The following RYK variants were observed in gnomAD, a reference collection of about 807,000 sequenced individuals.
RYK encodes receptor like tyrosine kinase.
Under a neutral mutation model 70.2 loss-of-function variants are expected in RYK, and 21 were observed. The ratio of observed to expected loss-of-function variants is 0.30; its 90% confidence interval spans 0.21 to 0.43. The LOEUF (loss-of-function observed/expected upper bound fraction) is 0.43. Among genes scored for constraint, RYK ranks in the 20% least tolerant of loss-of-function variants. The probability of loss-of-function intolerance (pLI) is 1.00; values close to 1 mark genes in which losing one functional copy is unlikely to be tolerated. For synonymous variants in RYK, 267 were observed against 278.0 expected (o/e 0.96, Z 0.39); for missense variants, 604 against 753.3 (o/e 0.80, Z 2.32).
intron 1 of RYK, among the ~76,000 whole-genome samples, chr3:134,241,278 A>T (rs1002454394): frequency 3.3e-5 from 5 of 151,654 alleles, no homozygotes; most frequent in Admixed American, 1.3e-4. Context: ...TGAAGCTGGG[A>T]GACAGAGACT....
chr3:134,250,544 C>G lies in RYK; in HGVS notation c.111G>C (p.Pro37=). 8.8e-7 allele frequency: 1 copy of G among 1,142,278 alleles called. No homozygotes were observed. The highest frequency in any genetic ancestry group is 1.1e-6 in the Non-Finnish European group (1 of 914,046). The allele number at this position is 1,142,278 out of a possible 1,614,324, so 70.8% of individuals were successfully genotyped here. A position where few individuals can be genotyped will look rare whatever the true frequency, so the allele number is the denominator to read the frequency against. ...CGGCAGCGCCAGGCGCGGGCAGCAG[C>G]GGCAACAGCGCAAGCAGAAGCAGCA... ...PPLLLLLALL[P]LLPAPGAAAA... The change falls in exon 1 of 15, where the codon CCG becomes CCC. Residue 37 remains proline, a synonymous_variant. Transcript: ENST00000623711.
chr3:134,164,935 T>C (rs1215176550), intron 13 of RYK, among the ~76,000 whole-genome samples: 1 of 152,244 alleles, frequency 6.6e-6, no homozygotes, highest in African/African-American at 2.4e-5. Context: ...AAACCAACAG[T>C]ATCTCATTGT....
At chr3:134,200,199 C>G (rs186687123) in intron 6 of RYK, among the ~76,000 whole-genome samples, 1 of 152,240 alleles carries the variant, frequency 6.6e-6, no homozygotes, top group Admixed American at 6.5e-5. Flanking sequence ...CACAATAAAT[C>G]TTGCTGCTGC....
At chr3:134,158,511 CATGTAAAAACCT>C (rs2012329540) in intron 14 of RYK, among the ~76,000 whole-genome samples, 1 of 152,172 alleles carries the variant, frequency 6.6e-6, no homozygotes, top group Admixed American at 6.5e-5. Flanking sequence ...ACAGAGATTT[CATGTAAAAACCT>C]AAAACACAGT....
chr3:134,206,103 G>GT (rs1445501843), intron 5 of RYK, among the ~76,000 whole-genome samples: 5 of 152,114 alleles, frequency 3.3e-5, no homozygotes, highest in East Asian at 1.9e-4. Context: ...TTTTTTTAAT[G>GT]TTTTTTCTTT....
At chr3:134,181,106 T>C (rs1423919845) in intron 10 of RYK, 1 of 152,230 alleles carries the variant, frequency 6.6e-6, no homozygotes, top group Non-Finnish European at 1.5e-5. Flanking sequence ...TCTACATTTA[T>C]CCCTGCTACT....
chr3:134,206,728 C>T (rs1469835142), intron 5 of RYK, among the ~76,000 whole-genome samples: 1 of 152,036 alleles, frequency 6.6e-6, no homozygotes, highest in East Asian at 1.9e-4. Context: ...CCTGAAAATA[C>T]TCTCCTCCAC....
intron 11 of RYK, among the ~76,000 whole-genome samples, chr3:134,177,286 A>C (rs1029305048): frequency 1.3e-5 from 2 of 152,130 alleles, no homozygotes; most frequent in Non-Finnish European, 2.9e-5. Flanking sequence ...CAAATACTGA[A>C]TGCAGCCTTT....
At chr3:134,226,335 G>T (rs2014911011) in intron 1 of RYK, among the ~76,000 whole-genome samples, 1 of 150,802 alleles carries the variant, frequency 6.6e-6, no homozygotes, top group African/African-American at 2.5e-5. Flanking sequence ...CAAACTAAAA[G>T]AAATAAAAAT....
intron 5 of RYK, among the ~76,000 whole-genome samples, chr3:134,205,780 C>T (rs1474921785): frequency 6.6e-6 from 1 of 152,204 alleles, no homozygotes; most frequent in African/African-American, 2.4e-5. Flanking sequence ...GCTTGCCATG[C>T]TATGTTGGTA....
intron 1 of RYK, among the ~76,000 whole-genome samples, chr3:134,228,890 TATCACGTGATGAATACACTACCCTG>T (rs2014980156): frequency 6.6e-6 from 1 of 152,164 alleles, no homozygotes; most frequent in Admixed American, 6.5e-5. Context: ...ATGATAAATG[TATCACGTGATGAATACACTACCCTG>T]ACTGGATCAT....
In RYK at chr3:134,211,611, TA is replaced by T. The variant is rs2014399222; in HGVS notation, c.355-5del. ...GGAATCCCAGCTTATATTCAACCTG[TA>T]AAATAGACAAAAATAAACAAAATGG... On this transcript the variant is annotated splice_region_variant and splice_polypyrimidine_tract_variant and intron_variant, in intron 2 of 14. Transcript: ENST00000623711. 6.2e-7 allele frequency: 1 copy of T among 1,604,584 alleles called. No individual in the cohort carries two copies. Among genetic ancestry groups the T allele is most frequent in the Non-Finnish European group, 8.5e-7 (1 of 1,171,736 alleles).
At chr3:134,173,805 A>C (rs1396909793) in intron 13 of RYK, among the ~76,000 whole-genome samples, 3 of 152,198 alleles carry the variant, frequency 2.0e-5, no homozygotes, top group African/African-American at 7.2e-5. Flanking sequence ...GTTAGAGTTA[A>C]TTAAAGGAAT....
intron 1 of RYK, among the ~76,000 whole-genome samples, chr3:134,245,052 ATC>A (rs1029896196): frequency 5.9e-5 from 9 of 152,342 alleles, no homozygotes; most frequent in African/African-American, 1.4e-4. Flanking sequence ...TGAGAAATAA[ATC>A]TCTGTTGTTT....
At chr3:134,192,084 G>C (rs2013658499) in intron 7 of RYK, 110 bp from the exon 8 acceptor site, 1 of 1,064,022 alleles carries the variant, frequency 9.4e-7, no homozygotes, top group Non-Finnish European at 1.4e-6. Context: ...ATGAGTGTAA[G>C]AATCATAAAA....
chr3:134,187,087 G>A (rs928781110), intron 9 of RYK, among the ~76,000 whole-genome samples: 1 of 152,172 alleles, frequency 6.6e-6, no homozygotes, highest in Non-Finnish European at 1.5e-5. Context: ...GTGCTGGGAA[G>A]GGGTGAATGA....
chr3:134,194,899 C>A (rs2013765463), intron 7 of RYK, among the ~76,000 whole-genome samples, 183 bp downstream of exon 7: 1 of 152,136 alleles, frequency 6.6e-6, no homozygotes, highest in South Asian at 2.1e-4. Flanking sequence ...ATTTTTGATA[C>A]CTCAATTTTA....
chr3:134,178,118 A>AT (rs2013170158), intron 10 of RYK, 45 bp from the exon 11 acceptor site: 1 of 1,350,140 alleles, frequency 7.4e-7, no homozygotes, highest in Non-Finnish European at 1.0e-6. Flanking sequence ...GGAATCCAAA[A>AT]TGTTAGGGGC....
At position 134,222,441 on chromosome 3, in the gene RYK, A is replaced by C. The variant is rs2014769493; in HGVS notation, c.331T>G (p.Phe111Val). The change falls in exon 2 of 15, where the codon TTC becomes GTC. Residue 111 changes from phenylalanine to valine, a missense_variant. Phe to Val is a conservative substitution (Grantham distance 50). Transcript: ENST00000623711. ...ACCTTGGACTTCGCATGCCAGGTGA[A>C]GTGCAGGAAATTTGTCTCACTGGGT... ...LVPSETNFLHFTWHAKSKVEY... is the reference protein window; with the variant it reads ...LVPSETNFLHVTWHAKSKVEY... The C allele has an allele frequency of 6.2e-7, 1 of 1,613,236 alleles. No individual in the cohort carries two copies. Among genetic ancestry groups the C allele is most frequent in the Admixed American group, 1.7e-5 (1 of 60,000 alleles).
Sources: gnomAD v4.1 joint callset for allele counts (sites outside exome capture counted in the v4.1 genomes callset) on GRCh38, gnomAD v4.1.1 for gene constraint, MANE v1.5 for transcripts, NCBI Gene and HGNC (gene_info 2026-07-23, HGNC 2026-07-21) for gene names.